Variants in GRAMD1B observed in about 807,000 individuals in gnomAD.
GRAMD1B encodes the protein GRAM domain containing 1B.
Under a neutral mutation model 99.7 loss-of-function variants are expected in GRAMD1B, and 37 were observed. That is an observed-to-expected ratio of 0.37 (90% CI 0.29 to 0.49). The LOEUF is 0.49. Among genes scored for constraint, GRAMD1B ranks in the 20% least tolerant of loss-of-function variants. The pLI is 0.98. For missense variants in GRAMD1B, 888 were observed against 1,009.2 expected (o/e 0.88, Z 1.63); for synonymous variants, 427 against 387.6 (o/e 1.10, Z -1.19).
At chr11:123,466,372 G>A (rs60392390) in intron 1 of GRAMD1B, among the ~76,000 whole-genome samples, 1 of 78,820 alleles carries the variant, frequency 1.3e-5, no homozygotes, top group Admixed American at 1.4e-4. Flanking sequence ...GAAGGAAAAA[G>A]AAAGAGAGAG....
chr11:123,432,233 G>A (rs1248672411), intron 1 of GRAMD1B: 2 of 391,418 alleles, frequency 5.1e-6, no homozygotes, highest in Non-Finnish European at 9.0e-6. Context: ...GGTTGTAGAG[G>A]CTGAGAAGGA....
chr11:123,396,742 A>G (rs143126512), intron 1 of GRAMD1B, among the ~76,000 whole-genome samples: 1 of 152,338 alleles, frequency 6.6e-6, no homozygotes, highest in East Asian at 1.9e-4. Flanking sequence ...GCCTAGAGAC[A>G]AGGACTTAGC....
chr11:123,497,623 C>T (rs1314586871), intron 2 of GRAMD1B, among the ~76,000 whole-genome samples: 1 of 152,130 alleles, frequency 6.6e-6, no homozygotes, highest in Non-Finnish European at 1.5e-5. Context: ...AAGCTGGCAG[C>T]CAGGTGCTGT....
At chr11:123,548,860 C>T (rs750861204) in intron 2 of GRAMD1B, among the ~76,000 whole-genome samples, 5 of 152,208 alleles carry the variant, frequency 3.3e-5, no homozygotes, top group Non-Finnish European at 4.4e-5. Flanking sequence ...CCTCCTGCCA[C>T]GACCTTCCAG....
intron 3 of GRAMD1B, among the ~76,000 whole-genome samples, chr11:123,581,729 G>A (rs1949372868): frequency 6.6e-6 from 1 of 152,188 alleles, no homozygotes; most frequent in Non-Finnish European, 1.5e-5. Context: ...TCTTACCCAC[G>A]CTTTACAAAA....
At chr11:123,462,125 C>A (rs1950453069) in intron 1 of GRAMD1B, among the ~76,000 whole-genome samples, 1 of 151,928 alleles carries the variant, frequency 6.6e-6, no homozygotes, top group Admixed American at 6.6e-5. Flanking sequence ...CGCCACCATG[C>A]CTGGCCAATT....
chr11:123,395,463 A>G (rs1245287278), intron 1 of GRAMD1B, among the ~76,000 whole-genome samples: 1 of 152,130 alleles, frequency 6.6e-6, no homozygotes, highest in Non-Finnish European at 1.5e-5. Flanking sequence ...CTCATTAACA[A>G]CAACAACAAC....
chr11:123,580,162 C>T (rs1332323496), intron 3 of GRAMD1B, among the ~76,000 whole-genome samples: 3 of 152,158 alleles, frequency 2.0e-5, no homozygotes, highest in Non-Finnish European at 2.9e-5. Context: ...CTGTAGCATC[C>T]CACGTGGAGC....
chr11:123,513,572 CCTTCCTTT>C (rs1490165916), intron 2 of GRAMD1B, among the ~76,000 whole-genome samples: 1 of 97,292 alleles, frequency 1.0e-5, no homozygotes, highest in African/African-American at 4.8e-5. Flanking sequence ...TTCCTTCCTT[CCTTCCTTT>C]CCTTCCTTCC....
At chr11:123,385,937 T>C (rs1947041113) in intron 1 of GRAMD1B, among the ~76,000 whole-genome samples, 1 of 152,218 alleles carries the variant, frequency 6.6e-6, no homozygotes, top group South Asian at 2.1e-4. Flanking sequence ...TAATTATGCT[T>C]TGTGAAGTGG....
intron 1 of GRAMD1B, among the ~76,000 whole-genome samples, chr11:123,437,020 T>C (rs1440832444): frequency 6.6e-6 from 1 of 152,188 alleles, no homozygotes; most frequent in African/African-American, 2.4e-5. Context: ...TTTTTGTCCT[T>C]GCGATAGTTT....
chr11:123,580,341 C>T (rs1163510174), intron 3 of GRAMD1B, among the ~76,000 whole-genome samples: 3 of 152,168 alleles, frequency 2.0e-5, no homozygotes, highest in Non-Finnish European at 2.9e-5. Context: ...TGCCCCTCCC[C>T]GTGGAACATC....
chr11:123,477,635 CT>C (rs779810916), intron 1 of GRAMD1B, among the ~76,000 whole-genome samples: 3 of 145,568 alleles, frequency 2.1e-5, no homozygotes, highest in Non-Finnish European at 4.5e-5. Context: ...CTCCCCTCCC[CT>C]CCCTTCCCTC....
At chr11:123,609,946 G>A in intron 13 of GRAMD1B, 33 bp downstream of exon 13, 1 of 1,225,250 alleles carries the variant, frequency 8.2e-7, no homozygotes, top group East Asian at 2.5e-5. Flanking sequence ...AGAAGAGCGA[G>A]CTGGAAAATC....
At chr11:123,522,151 C>T (rs116553599) in intron 2 of GRAMD1B, among the ~76,000 whole-genome samples, 286 of 152,102 alleles carry the variant, frequency 1.9e-3, no homozygotes, top group African/African-American at 6.4e-3. Context: ...TTAGTGCTTG[C>T]GATTTATTGG....
chr11:123,402,603 G>C (rs552732330), intron 1 of GRAMD1B, among the ~76,000 whole-genome samples: 1 of 152,334 alleles, frequency 6.6e-6, no homozygotes, highest in East Asian at 1.9e-4. Flanking sequence ...GTAAGTGACA[G>C]AGTGAGGATT....
At chr11:123,396,563 A>G (rs1360128878) in intron 1 of GRAMD1B, among the ~76,000 whole-genome samples, 2 of 152,184 alleles carry the variant, frequency 1.3e-5, no homozygotes, top group African/African-American at 4.8e-5. Flanking sequence ...GGCATGAGCC[A>G]CCACTCCCAG....
At chr11:123,546,239 CTG>C (rs1245596955) in intron 2 of GRAMD1B, among the ~76,000 whole-genome samples, 13 of 152,190 alleles carry the variant, frequency 8.5e-5, no homozygotes, top group Non-Finnish European at 4.4e-5. Context: ...ACAGAAGTGT[CTG>C]TGGGGGATCG....
In GRAMD1B at chr11:123,431,924, G is replaced by C. The variant is rs1378823253; in HGVS notation, c.374+758G>C. The C allele has an allele frequency of 2.9e-4, 113 of 394,496 alleles. No individual in the cohort carries two copies. The Admixed American group carries it at 5.0e-3, about 17-fold the overall frequency. 24.4% of individuals were successfully genotyped at this position (394,496 alleles called of 1,614,324 possible). On this transcript the variant is annotated intron_variant, in intron 1 of 19. Coordinates refer to ENST00000635736, the MANE Select transcript of GRAMD1B (RefSeq NM_001387025.1). ...GTCAGGACTGCTGCTTCAGGAAGTT[G>C]TGTCTGAGCCAAGCCCCTTGCCTGG...
Sources: gnomAD v4.1 joint callset for allele counts (sites outside exome capture counted in the v4.1 genomes callset) on GRCh38, gnomAD v4.1.1 for gene constraint, MANE v1.5 for transcripts, NCBI Gene and HGNC (gene_info 2026-07-23, HGNC 2026-07-21) for gene names.